CPS1: variants seen among roughly 807,000 people sequenced by gnomAD.
CPS1 encodes carbamoyl-phosphate synthase 1.
Under a neutral mutation model 174.6 loss-of-function variants are expected in CPS1, and 109 were observed. That is an observed-to-expected ratio of 0.62 (90% CI 0.53 to 0.73). The LOEUF (loss-of-function observed/expected upper bound fraction) is 0.73. Among genes scored for constraint, CPS1 ranks in the 30% least tolerant of loss-of-function variants. The probability of loss-of-function intolerance (pLI) is 0.00; values close to 1 mark genes in which losing one functional copy is unlikely to be tolerated. For synonymous variants in CPS1, 637 were observed against 632.0 expected, an observed-to-expected ratio of 1.01 and a Z score of -0.12; for missense variants, 1,689 against 1,821.9, an observed-to-expected ratio of 0.93 and a Z score of 1.33.
chr2:210,587,916 G>C, intron 6 of CPS1, 142 bp from the exon 7 acceptor site: 1 of 799,418 alleles, frequency 1.3e-6, no homozygotes, highest in Admixed American at 1.8e-5. Flanking sequence ...CAAACTGTTT[G>C]TTAACTGCCA....
chr2:210,678,360 A>G lies in CPS1; in HGVS notation c.*375A>G. The G allele has an allele frequency of 3.4e-6, 1 of 293,780 alleles. No homozygotes were observed. The highest frequency in any genetic ancestry group is 6.6e-6 in the Non-Finnish European group (1 of 152,616). 18.2% of individuals were successfully genotyped at this position (293,780 alleles called of 1,614,324 possible). On this transcript the variant is annotated 3_prime_UTR_variant, in exon 38 of 38. Coordinates refer to ENST00000233072, the MANE Select transcript of CPS1 (RefSeq NM_001875.5). Reference sequence around the variant, plus strand: ...TATACTTTAAGATACTCTATTTTTAAAACACTATCTGCAAACTCAGGACAC... The same window carrying G: ...TATACTTTAAGATACTCTATTTTTAGAACACTATCTGCAAACTCAGGACAC...
chr2:210,658,973 G>A (rs958919862), intron 31 of CPS1, among the ~76,000 whole-genome samples: 3 of 152,180 alleles, frequency 2.0e-5, no homozygotes, highest in African/African-American at 7.2e-5. Flanking sequence ...TGGATACGGT[G>A]AGACAGACTA....
In CPS1 at chr2:210,675,766, C is replaced by T. The variant is rs150044077; in HGVS notation, c.4200C>T (p.Ala1400=). Residue 1400 remains alanine (A), a synonymous_variant, in exon 36 of 38, where the codon GCC becomes GCT. Coordinates refer to ENST00000233072, the MANE Select transcript of CPS1 (RefSeq NM_001875.5). ...AAGCCACATCAGACTGGCTCAACGC[C>T]AACAATGTCCCTGCCACCCCAGTGG... The part of the protein sequence containing the change: ...ATEATSDWLN[A]NNVPATPVAW... 17 of 1,610,214 alleles carry T rather than the reference C, an allele frequency of 1.1e-5. No individual in the cohort carries two copies. Among genetic ancestry groups the T allele is most frequent in the Non-Finnish European group, 1.4e-5 (16 of 1,176,564 alleles).
At chr2:210,625,771 A>T (rs1320074841) in intron 21 of CPS1, among the ~76,000 whole-genome samples, 2 of 152,132 alleles carry the variant, frequency 1.3e-5, no homozygotes, top group East Asian at 3.8e-4. Context: ...AAGCTAGGCT[A>T]TAAGGTCCAA....
chr2:210,611,974 T>A, intron 19 of CPS1, 143 bp from the exon 20 acceptor site: 2 of 747,686 alleles, frequency 2.7e-6, no homozygotes, highest in Non-Finnish European at 4.2e-6. Context: ...GGAACACCTT[T>A]TTTTTTTTTT....
intron 1 of CPS1, among the ~76,000 whole-genome samples, chr2:210,514,956 C>T (rs944075855): frequency 6.6e-6 from 1 of 150,930 alleles, no homozygotes; most frequent in Non-Finnish European, 1.5e-5. Flanking sequence ...TTACAATGAT[C>T]ATATGTTTTG....
chr2:210,556,788 G>A lies in CPS1; in HGVS notation c.55G>A (p.Gly19Ser), dbSNP rs1696926771. ...GGTGAGGACACTGAAGACTGGTTTTGGCTTTACCAATGTGACTGCACACCA... is the reference window on the plus strand; with the variant it reads ...GGTGAGGACACTGAAGACTGGTTTTAGCTTTACCAATGTGACTGCACACCA... Reference protein sequence around the residue: ...KVVRTLKTGFGFTNVTAHQKW... With the variant: ...KVVRTLKTGFSFTNVTAHQKW... The change falls in exon 1 of 38, where the codon GGC (glycine) becomes AGC (serine). Residue 19 changes from glycine to serine, a missense_variant. Transcript: ENST00000233072. 1 of 1,612,986 alleles carries A rather than the reference G, an allele frequency of 6.2e-7. No homozygotes were observed. Among genetic ancestry groups the A allele is most frequent in the Non-Finnish European group, 8.5e-7 (1 of 1,179,394 alleles).
chr2:210,589,125 C>A (rs1413606649), intron 7 of CPS1, among the ~76,000 whole-genome samples: 1 of 152,048 alleles, frequency 6.6e-6, no homozygotes, highest in Non-Finnish European at 1.5e-5. Context: ...GATAGGCAGT[C>A]TCTAAGGTAA....
At chr2:210,617,814 C>G (rs1416272425) in intron 21 of CPS1, 1 of 151,936 alleles carries the variant, frequency 6.6e-6, no homozygotes, top group Non-Finnish European at 1.5e-5. Context: ...GTTTCCCTTT[C>G]TTGGTTTATG....
intron 1 of CPS1, among the ~76,000 whole-genome samples, chr2:210,513,022 C>T (rs796819799): frequency 5.7e-4 from 6 of 10,586 alleles, no homozygotes; most frequent in East Asian, 2.2e-3. Flanking sequence ...ATCTATATAT[C>T]TATATATTTA....
chr2:210,612,136 C>A lies in CPS1; in HGVS notation c.2411C>A (p.Thr804Asn), dbSNP rs911247082. 1.9e-6 allele frequency: 3 copies of A among 1,611,776 alleles called. No individual in the cohort carries two copies. Among genetic ancestry groups the A allele is most frequent in the African/African-American group, 2.7e-5 (2 of 74,692 alleles). Residue 804 changes from threonine to asparagine, a missense_variant, in exon 20 of 38, where the codon ACC becomes AAC. Physicochemically the swap from Thr to Asn is moderately conservative, Grantham distance 65 (BLOSUM62 0). Coordinates refer to ENST00000233072, the MANE Select transcript of CPS1 (RefSeq NM_001875.5). ...TTACAGGTCATGGCTATTGGTCGTA[C>A]CTTTGAGGAGAGTTTCCAGAAAGCT... ...SVGEVMAIGR[T>N]FEESFQKALR...
chr2:210,664,506 A>G (rs1701028154), intron 33 of CPS1, among the ~76,000 whole-genome samples: 1 of 151,788 alleles, frequency 6.6e-6, no homozygotes, highest in African/African-American at 2.4e-5. Context: ...CGCCCGGCTA[A>G]TTTTGTATTT....
At chr2:210,505,342 C>G (rs1695249103) in intron 1 of CPS1, among the ~76,000 whole-genome samples, 1 of 151,958 alleles carries the variant, frequency 6.6e-6, no homozygotes, top group African/African-American at 2.4e-5. Flanking sequence ...AAAAGAAGCA[C>G]AGTCCTTGCT....
chr2:210,532,107 T>C (rs1191231245), intron 1 of CPS1, among the ~76,000 whole-genome samples: 2 of 152,148 alleles, frequency 1.3e-5, no homozygotes, highest in Non-Finnish European at 1.5e-5. Context: ...ATGGTTTTTT[T>C]ATTTAGGGGC....
intron 25 of CPS1, among the ~76,000 whole-genome samples, chr2:210,645,169 A>T (rs1700340829): frequency 6.6e-6 from 1 of 152,112 alleles, no homozygotes; most frequent in Non-Finnish European, 1.5e-5. Context: ...ATGTTCTCAT[A>T]CTGAATTCCT....
intron 1 of CPS1, among the ~76,000 whole-genome samples, chr2:210,518,783 A>G (rs1695746533): frequency 6.6e-6 from 1 of 152,014 alleles, no homozygotes; most frequent in Non-Finnish European, 1.5e-5. Flanking sequence ...GAGAACTGAC[A>G]CTGACAATTA....
intron 21 of CPS1, among the ~76,000 whole-genome samples, chr2:210,623,372 A>G (rs1269730188): frequency 6.6e-6 from 1 of 151,948 alleles, no homozygotes; most frequent in Non-Finnish European, 1.5e-5. Context: ...CTATGGATTT[A>G]TTTACAAATT....
intron 33 of CPS1, among the ~76,000 whole-genome samples, chr2:210,663,594 G>A (rs560113168): frequency 1.7e-4 from 26 of 152,122 alleles, no homozygotes; most frequent in Non-Finnish European, 3.8e-4. Context: ...TATGGAGAAT[G>A]ACAGCATTAT....
chr2:210,519,765 T>C (rs1333792415), intron 1 of CPS1: 1 of 985,238 alleles, frequency 1.0e-6, no homozygotes, highest in Non-Finnish European at 1.2e-6. Flanking sequence ...TGCATTTTCC[T>C]GATGAAAATG....
Sources: gnomAD v4.1 joint callset for allele counts (sites outside exome capture counted in the v4.1 genomes callset) on GRCh38, gnomAD v4.1.1 for gene constraint, MANE v1.5 for transcripts, NCBI Gene and HGNC (gene_info 2026-07-23, HGNC 2026-07-21) for gene names.